EBF2: variants seen among roughly 807,000 people sequenced by gnomAD.
EBF2 encodes transcription factor COE2.
In EBF2, 21 loss-of-function variants were observed where a neutral mutation model predicts 72.8. The ratio of observed to expected loss-of-function variants is 0.29; its 90% CI spans 0.20 to 0.42. The LOEUF (loss-of-function observed/expected upper bound fraction) is 0.42. Among genes scored for constraint, EBF2 ranks in the 10% least tolerant of loss-of-function variants. The probability of loss-of-function intolerance (pLI) is 1.00; values close to 1 mark genes in which losing one functional copy is unlikely to be tolerated. For synonymous variants in EBF2, 299 were observed against 274.2 expected (o/e 1.09, Z -0.89); for missense variants, 637 against 731.2 (o/e 0.87, Z 1.49).
At chr8:26,030,878 C>A (rs920451949) in intron 6 of EBF2, among the ~76,000 whole-genome samples, 1 of 152,284 alleles carries the variant, frequency 6.6e-6, no homozygotes, top group South Asian at 2.1e-4. Flanking sequence ...ACTATGAAGG[C>A]GCCTAATATG....
At chr8:25,860,983 CTG>C in intron 13 of EBF2, 64 bp downstream of exon 13, 1 of 1,585,716 alleles carries the variant, frequency 6.3e-7, no homozygotes, top group South Asian at 1.1e-5. Context: ...ACCTCTGACT[CTG>C]TCCACTCCAG....
chr8:25,965,053 T>A, intron 6 of EBF2, among the ~76,000 whole-genome samples: 1 of 152,194 alleles, frequency 6.6e-6, no homozygotes, highest in East Asian at 1.9e-4. Context: ...AAATATCAGT[T>A]CTTCTCCCAC....
At chr8:26,024,462 G>C (rs912796449) in intron 6 of EBF2, among the ~76,000 whole-genome samples, 2 of 152,036 alleles carry the variant, frequency 1.3e-5, no homozygotes, top group African/African-American at 4.8e-5. Context: ...GGCATAATAG[G>C]CCCTTGATAA....
intron 6 of EBF2, among the ~76,000 whole-genome samples, chr8:25,967,445 T>G (rs946637585): frequency 6.6e-6 from 1 of 152,222 alleles, no homozygotes. Flanking sequence ...TACTCTAAAC[T>G]ACCTTGAATG....
intron 6 of EBF2, among the ~76,000 whole-genome samples, chr8:25,924,996 G>A (rs76024385): frequency 0.041 from 6,225 of 152,034 alleles, 427 homozygotes; most frequent in African/African-American, 0.14. Context: ...TGTTTTTGGG[G>A]GCTTTGGAAT....
At chr8:25,903,358 T>C (rs1423840933) in intron 7 of EBF2, among the ~76,000 whole-genome samples, 1 of 151,922 alleles carries the variant, frequency 6.6e-6, no homozygotes, top group Non-Finnish European at 1.5e-5. Flanking sequence ...AAGAGGTAAC[T>C]CTGGCATTCA....
At chr8:25,992,734 C>T (rs1585219238) in intron 6 of EBF2, among the ~76,000 whole-genome samples, 1 of 151,816 alleles carries the variant, frequency 6.6e-6, no homozygotes. Flanking sequence ...GAGACTTCAT[C>T]GCTACAAAAA....
chr8:26,038,541 G>A (rs1805543617), intron 5 of EBF2, among the ~76,000 whole-genome samples: 1 of 152,076 alleles, frequency 6.6e-6, no homozygotes, highest in South Asian at 2.1e-4. Context: ...CTTTTCAGGA[G>A]GTAATCTCTC....
intron 6 of EBF2, among the ~76,000 whole-genome samples, chr8:25,998,786 A>G (rs1224694590): frequency 6.6e-6 from 1 of 152,228 alleles, no homozygotes; most frequent in Non-Finnish European, 1.5e-5. Context: ...CAGGGATAAC[A>G]CATTACAAGA....
chr8:25,899,699 T>C (rs955932121), intron 7 of EBF2, among the ~76,000 whole-genome samples: 3 of 152,210 alleles, frequency 2.0e-5, no homozygotes, highest in Admixed American at 2.0e-4. Flanking sequence ...CCGTGCCCTT[T>C]GCTCTCACGT....
chr8:25,941,824 T>G (rs536112909), intron 6 of EBF2, among the ~76,000 whole-genome samples: 1 of 152,336 alleles, frequency 6.6e-6, no homozygotes, highest in East Asian at 1.9e-4. Context: ...TAATTCATTA[T>G]TTATGACACC....
intron 15 of EBF2, among the ~76,000 whole-genome samples, chr8:25,847,693 G>A (rs770249870): frequency 1.3e-5 from 2 of 152,086 alleles, no homozygotes; most frequent in African/African-American, 2.4e-5. Context: ...GACAAGGCCC[G>A]GAAAGAGCTG....
chr8:25,945,621 G>C (rs2117162543), intron 6 of EBF2, among the ~76,000 whole-genome samples: 1 of 151,424 alleles, frequency 6.6e-6, no homozygotes, highest in Admixed American at 6.6e-5. Flanking sequence ...TGCTTGGTCT[G>C]TTTGGTTTCG....
chr8:26,014,350 C>T (rs111591498), intron 6 of EBF2, among the ~76,000 whole-genome samples: 26 of 152,086 alleles, frequency 1.7e-4, no homozygotes, highest in African/African-American at 5.1e-4. Context: ...TGCCCTCTGA[C>T]TTTTATTATT....
intron 6 of EBF2, among the ~76,000 whole-genome samples, chr8:25,972,497 A>G (rs777575879): frequency 2.1e-4 from 32 of 152,172 alleles, no homozygotes; most frequent in Non-Finnish European, 4.1e-4. Flanking sequence ...GCAGCGTAGG[A>G]TTACTTCTAA....
At chr8:25,930,548 C>T (rs1803463043) in intron 6 of EBF2, among the ~76,000 whole-genome samples, 1 of 152,140 alleles carries the variant, frequency 6.6e-6, no homozygotes, top group African/African-American at 2.4e-5. Flanking sequence ...CAGCCAGCTT[C>T]CTTAAAAGTG....
intron 6 of EBF2, among the ~76,000 whole-genome samples, chr8:26,018,447 T>C (rs1310972067): frequency 7.5e-6 from 1 of 132,950 alleles, no homozygotes; most frequent in African/African-American, 2.9e-5. Context: ...GGTCAGGAGA[T>C]CGAGACCATC....
At chr8:25,959,263 G>A (rs1352809561) in intron 6 of EBF2, among the ~76,000 whole-genome samples, 2 of 152,192 alleles carry the variant, frequency 1.3e-5, no homozygotes, top group Non-Finnish European at 2.9e-5. Flanking sequence ...GGAGTGCAGT[G>A]GCGTGATCTC....
At chr8:25,915,598 C>T (rs1803200656) in intron 6 of EBF2, among the ~76,000 whole-genome samples, 1 of 119,552 alleles carries the variant, frequency 8.4e-6, no homozygotes, top group Admixed American at 1.0e-4. Flanking sequence ...CAAATAGCTT[C>T]AGCCTTTTGG....
Sources: allele counts gnomAD v4.1 joint callset (sites outside exome capture counted in the v4.1 genomes callset), GRCh38; gene constraint gnomAD v4.1.1; transcripts MANE v1.5; gene names NCBI Gene and HGNC (gene_info 2026-07-23, HGNC 2026-07-21).